Variants in CUL2 observed in about 807,000 individuals in gnomAD.
CUL2 encodes the protein cullin 2.
A neutral mutation model predicts 110.2 loss-of-function variants in CUL2; 22 were observed. That is an observed-to-expected ratio of 0.20 (90% CI 0.14 to 0.28). The LOEUF (loss-of-function observed/expected upper bound fraction) is 0.28. Among genes scored for constraint, CUL2 ranks in the 10% least tolerant of loss-of-function variants. The pLI is 1.00. For missense variants in CUL2, 631 were observed against 905.5 expected, an observed-to-expected ratio of 0.70 and a Z score of 3.89; for synonymous variants, 279 against 293.2, an observed-to-expected ratio of 0.95 and a Z score of 0.49.
intron 1 of CUL2, among the ~76,000 whole-genome samples, chr10:35,124,786 TAC>T (rs2087720107): frequency 6.6e-6 from 1 of 152,104 alleles, no homozygotes; most frequent in African/African-American, 2.4e-5. Flanking sequence ...ACATCTAACT[TAC>T]AGTTGGATTC....
chr10:35,035,568 T>C (rs754620314), intron 9 of CUL2, among the ~76,000 whole-genome samples: 1 of 152,218 alleles, frequency 6.6e-6, no homozygotes, highest in Non-Finnish European at 1.5e-5. Flanking sequence ...CTGTATTTTG[T>C]ATATTATTTG....
At chr10:35,109,855 T>C (rs1164923005) in intron 1 of CUL2, among the ~76,000 whole-genome samples, 1 of 152,192 alleles carries the variant, frequency 6.6e-6, no homozygotes, top group Non-Finnish European at 1.5e-5. Context: ...TGAATAATGA[T>C]ACAATCTGGT....
At chr10:35,032,342 T>A (rs1176517272) in intron 12 of CUL2, 93 bp downstream of exon 12, 1 of 1,095,734 alleles carries the variant, frequency 9.1e-7, no homozygotes, top group Non-Finnish European at 1.3e-6. Flanking sequence ...TTCTGAAAAA[T>A]GCTACAAAAA....
chr10:35,011,771 TAAG>T (rs958806392), intron 20 of CUL2, 74 bp downstream of exon 20: 1 of 724,716 alleles, frequency 1.4e-6, no homozygotes, highest in Admixed American at 2.4e-5. Context: ...GTATCCTCTT[TAAG>T]AAGAAAGAGA....
chr10:35,116,956 C>CA (rs199712281), intron 1 of CUL2, among the ~76,000 whole-genome samples: 42,296 of 120,678 alleles, frequency 0.35, 6,492 homozygotes, highest in Middle Eastern at 0.4. Flanking sequence ...GATTCCGTCT[C>CA]AAAAAAAAAA....
At position 35,054,527 on chromosome 10, in the gene CUL2, G is replaced by C. The variant is rs2086195469; in HGVS notation, c.330C>G (p.Thr110=). The change falls in exon 5 of 21, where the codon ACC becomes ACG. Residue 110 remains threonine, a synonymous_variant. Transcript: ENST00000374749. ...YMDCLYRYLN[T]QFIKKNKLTE... ...TTAATTTATTCTTTTTAATAAACTGGGTGTTGAGATACCTGGAAAATAAAT... is the reference window on the plus strand; with the variant it reads ...TTAATTTATTCTTTTTAATAAACTGCGTGTTGAGATACCTGGAAAATAAAT... 6.4e-7 allele frequency: 1 copy of C among 1,573,086 alleles called. No individual in the cohort carries two copies. Among genetic ancestry groups the C allele is most frequent in the Admixed American group, 1.8e-5 (1 of 55,354 alleles).
intron 1 of CUL2, among the ~76,000 whole-genome samples, chr10:35,107,813 A>T (rs2087479426): frequency 7.9e-6 from 1 of 127,022 alleles, no homozygotes; most frequent in Non-Finnish European, 1.6e-5. Flanking sequence ...ACCTGGGAGG[A>T]GGAGCTTGCA....
intron 1 of CUL2, among the ~76,000 whole-genome samples, chr10:35,116,818 G>C (rs1444245499): frequency 6.6e-6 from 1 of 152,082 alleles, no homozygotes; most frequent in African/African-American, 2.4e-5. Flanking sequence ...ATAGCTGGGC[G>C]TGGTGGCGCA....
At chr10:35,083,705 A>T (rs2086993646) in intron 1 of CUL2, among the ~76,000 whole-genome samples, 1 of 152,216 alleles carries the variant, frequency 6.6e-6, no homozygotes, top group Non-Finnish European at 1.5e-5. Flanking sequence ...ATAGGATTAG[A>T]TTATAAACCA....
chr10:35,038,179 C>T (rs554368955), intron 9 of CUL2, among the ~76,000 whole-genome samples: 74 of 150,640 alleles, frequency 4.9e-4, no homozygotes, highest in African/African-American at 1.7e-3. Context: ...ATAAAATATA[C>T]ATATTTATTA....
intron 17 of CUL2, among the ~76,000 whole-genome samples, chr10:35,017,160 T>C (rs1231061958): frequency 6.6e-6 from 1 of 152,094 alleles, no homozygotes; most frequent in African/African-American, 2.4e-5. Flanking sequence ...TGGAAAATGC[T>C]TTTGAGGCCC....
intron 17 of CUL2, among the ~76,000 whole-genome samples, chr10:35,023,517 T>C (rs1436376475): frequency 3.3e-5 from 5 of 152,214 alleles, no homozygotes; most frequent in East Asian, 1.9e-4. Context: ...TTAGGTGATA[T>C]TGGTGACTAT....
At chr10:35,109,986 CA>C (rs1296841551) in intron 1 of CUL2, among the ~76,000 whole-genome samples, 3 of 152,102 alleles carry the variant, frequency 2.0e-5, no homozygotes, top group African/African-American at 7.2e-5. Flanking sequence ...GCAGCCTGGG[CA>C]ACATAGTGAG....
chr10:35,033,314 T>C, intron 10 of CUL2, 41 bp from the exon 11 acceptor site: 1 of 1,348,636 alleles, frequency 7.4e-7, no homozygotes, highest in Non-Finnish European at 1.1e-6. Context: ...TTTTAAGAGG[T>C]TCAAGGATAT....
intron 1 of CUL2, among the ~76,000 whole-genome samples, chr10:35,073,276 G>A (rs774550462): frequency 3.9e-5 from 6 of 152,144 alleles, no homozygotes; most frequent in Non-Finnish European, 8.8e-5. Flanking sequence ...GAAGGTGAGA[G>A]TGGAGGAGGT....
chr10:35,105,467 G>A (rs1274109215), intron 1 of CUL2, among the ~76,000 whole-genome samples: 1 of 151,096 alleles, frequency 6.6e-6, no homozygotes, highest in Non-Finnish European at 1.5e-5. Context: ...GGCCGGGTGC[G>A]GTGGCTCACG....
chr10:35,026,732 A>C (rs992858209), intron 16 of CUL2, among the ~76,000 whole-genome samples: 1 of 152,222 alleles, frequency 6.6e-6, no homozygotes, highest in African/African-American at 2.4e-5. Flanking sequence ...CACTACAAAG[A>C]CCAAAGTTAT....
intron 17 of CUL2, among the ~76,000 whole-genome samples, chr10:35,018,169 C>A (rs939261286): frequency 2.0e-5 from 3 of 149,912 alleles, no homozygotes; most frequent in African/African-American, 7.4e-5. Flanking sequence ...CACCTGTAAT[C>A]CCAGCTACTC....
chr10:35,078,612 A>G (rs1408070366), intron 1 of CUL2, among the ~76,000 whole-genome samples: 1 of 152,086 alleles, frequency 6.6e-6, no homozygotes, highest in Non-Finnish European at 1.5e-5. Flanking sequence ...GACATTTTTC[A>G]TATAAAGAGA....
Sources: allele counts gnomAD v4.1 joint callset (sites outside exome capture counted in the v4.1 genomes callset), GRCh38; gene constraint gnomAD v4.1.1; transcripts MANE v1.5; gene names NCBI Gene and HGNC (gene_info 2026-07-23, HGNC 2026-07-21).